The following TMEM132D variants were observed in gnomAD, a reference collection of about 807,000 sequenced individuals.
TMEM132D encodes the protein mature OL transmembrane protein.
In TMEM132D, 21 loss-of-function variants were observed where a neutral mutation model predicts 62.3. That is an observed-to-expected ratio of 0.34 (90% CI 0.24 to 0.49). The LOEUF is 0.49. Ranked by LOEUF, TMEM132D falls within the 20% of genes least tolerant of loss-of-function variation. The pLI is 0.99. For synonymous variants in TMEM132D, 621 were observed against 575.6 expected, an observed-to-expected ratio of 1.08 and a Z score of -1.13; for missense variants, 1,346 against 1,402.8, an observed-to-expected ratio of 0.96 and a Z score of 0.65.
chr12:129,647,162 T>C (rs1479713657), intron 2 of TMEM132D, among the ~76,000 whole-genome samples: 1 of 151,674 alleles, frequency 6.6e-6, no homozygotes, highest in Non-Finnish European at 1.5e-5. Flanking sequence ...AAAACAGTAT[T>C]ATTTTGCATG....
At chr12:129,887,129 TC>T (rs779545601) in intron 1 of TMEM132D, among the ~76,000 whole-genome samples, 1 of 152,124 alleles carries the variant, frequency 6.6e-6, no homozygotes, top group Non-Finnish European at 1.5e-5. Flanking sequence ...ATTTCTCCAC[TC>T]TAAGAAACAC....
intron 5 of TMEM132D, chr12:129,208,712 C>T (rs1593296676): frequency 6.6e-6 from 1 of 150,418 alleles, no homozygotes; most frequent in Non-Finnish European, 1.5e-5. Context: ...TTGTTGGCAG[C>T]CTCCTCCTTT....
At chr12:129,664,967 T>G (rs1032551189) in intron 2 of TMEM132D, among the ~76,000 whole-genome samples, 5 of 152,106 alleles carry the variant, frequency 3.3e-5, no homozygotes, top group Non-Finnish European at 1.5e-5. Context: ...TTATCCCTAT[T>G]ATGTGGTTGA....
chr12:129,131,146 G>A (rs901005639), intron 5 of TMEM132D, among the ~76,000 whole-genome samples: 1 of 152,176 alleles, frequency 6.6e-6, no homozygotes, highest in South Asian at 2.1e-4. Flanking sequence ...GTTTTCACAT[G>A]TAATTAGATA....
At chr12:129,590,383 C>T (rs1009777435) in intron 2 of TMEM132D, among the ~76,000 whole-genome samples, 1 of 152,236 alleles carries the variant, frequency 6.6e-6, no homozygotes, top group Non-Finnish European at 1.5e-5. Flanking sequence ...AATACAATCA[C>T]CATGCAAGGC....
chr12:129,596,711 A>G (rs1464776212), intron 2 of TMEM132D, among the ~76,000 whole-genome samples: 1 of 151,958 alleles, frequency 6.6e-6, no homozygotes, highest in Non-Finnish European at 1.5e-5. Context: ...TACTTCTTCT[A>G]TTTCCCCACT....
chr12:129,351,286 T>C (rs1317928010), intron 3 of TMEM132D, among the ~76,000 whole-genome samples: 1 of 152,162 alleles, frequency 6.6e-6, no homozygotes, highest in African/African-American at 2.4e-5. Flanking sequence ...AAGCTCACCA[T>C]AGGTGACAAA....
chr12:129,464,951 G>A (rs1307671519), intron 3 of TMEM132D, among the ~76,000 whole-genome samples: 2 of 145,548 alleles, frequency 1.4e-5, no homozygotes, highest in Non-Finnish European at 3.0e-5. Context: ...ACTTGGCAAT[G>A]CGGGCTCTTT....
intron 3 of TMEM132D, among the ~76,000 whole-genome samples, chr12:129,417,931 C>T (rs539394564): frequency 1.1e-3 from 171 of 152,176 alleles, no homozygotes; most frequent in African/African-American, 4.0e-3. Context: ...TTTATGTGGC[C>T]AAGAAACATA....
chr12:129,238,778 G>A (rs1181613088), intron 4 of TMEM132D, among the ~76,000 whole-genome samples: 1 of 152,208 alleles, frequency 6.6e-6, no homozygotes, highest in Non-Finnish European at 1.5e-5. Flanking sequence ...GAATAAAGCT[G>A]CTATGAACAT....
At chr12:129,777,027 T>C (rs1870957426) in intron 1 of TMEM132D, among the ~76,000 whole-genome samples, 1 of 152,232 alleles carries the variant, frequency 6.6e-6, no homozygotes, top group Admixed American at 6.5e-5. Flanking sequence ...CATATATGTT[T>C]GATTTAGTCA....
intron 1 of TMEM132D, among the ~76,000 whole-genome samples, chr12:129,730,757 T>G (rs935699183): frequency 6.6e-6 from 1 of 152,020 alleles, no homozygotes; most frequent in Non-Finnish European, 1.5e-5. Flanking sequence ...CAGAGGAACC[T>G]GGAAAGACTA....
intron 2 of TMEM132D, among the ~76,000 whole-genome samples, chr12:129,636,613 A>C (rs1394446562): frequency 2.6e-5 from 4 of 151,892 alleles, no homozygotes; most frequent in African/African-American, 9.7e-5. Context: ...TACATTTGTC[A>C]AAGCAAAGAC....
At chr12:129,293,891 G>T (rs915255484) in intron 4 of TMEM132D, among the ~76,000 whole-genome samples, 2 of 152,092 alleles carry the variant, frequency 1.3e-5, no homozygotes, top group Non-Finnish European at 2.9e-5. Context: ...GACCAATACT[G>T]GTCCATAGCC....
intron 5 of TMEM132D, among the ~76,000 whole-genome samples, chr12:129,181,679 C>G (rs1878068791): frequency 6.6e-6 from 1 of 152,120 alleles, no homozygotes; most frequent in South Asian, 2.1e-4. Flanking sequence ...GCTCTTTTTT[C>G]CCTATCTGTC....
chr12:129,212,139 G>T (rs530354334), intron 4 of TMEM132D: 1 of 152,302 alleles, frequency 6.6e-6, no homozygotes, highest in South Asian at 2.1e-4. Flanking sequence ...AAACTGAAGA[G>T]CATCTCCACT....
intron 3 of TMEM132D, among the ~76,000 whole-genome samples, chr12:129,434,867 T>C (rs922339571): frequency 2.0e-5 from 3 of 152,112 alleles, no homozygotes; most frequent in Non-Finnish European, 2.9e-5. Flanking sequence ...CACTACACTA[T>C]TGTTAACTAT....
At chr12:129,512,040 C>T (rs1368434088) in intron 3 of TMEM132D, among the ~76,000 whole-genome samples, 1 of 151,748 alleles carries the variant, frequency 6.6e-6, no homozygotes, top group Non-Finnish European at 1.5e-5. Flanking sequence ...CATTTTTGTT[C>T]TTCTGTTTTT....
intron 2 of TMEM132D, among the ~76,000 whole-genome samples, chr12:129,540,643 C>A (rs1042442197): frequency 6.6e-6 from 1 of 151,936 alleles, no homozygotes; most frequent in Non-Finnish European, 1.5e-5. Context: ...GTGCCACTAC[C>A]CCCAGCTAAT....
Sources: allele counts gnomAD v4.1 joint callset (sites outside exome capture counted in the v4.1 genomes callset), GRCh38; gene constraint gnomAD v4.1.1; transcripts MANE v1.5; gene names NCBI Gene and HGNC (gene_info 2026-07-23, HGNC 2026-07-21).